Variants in PRKDC observed in about 807,000 individuals in gnomAD.
PRKDC encodes protein kinase, DNA-activated, catalytic subunit, also known as DNA-dependent protein kinase catalytic subunit.
In PRKDC, 82 loss-of-function variants were observed where a neutral mutation model predicts 486.9. That is an observed-to-expected ratio of 0.17 (90% CI 0.14 to 0.20). The LOEUF (loss-of-function observed/expected upper bound fraction) is 0.20. PRKDC is among the 10% of genes least tolerant of loss of function. The pLI, the probability that PRKDC is intolerant of heterozygous loss-of-function variation, is 1.00. For synonymous variants in PRKDC, 1,895 were observed against 1,837.0 expected (o/e 1.03, Z -0.81); for missense variants, 4,504 against 5,038.2 (o/e 0.89, Z 3.21).
rs1345748894 is a variant in PRKDC at position 47,839,922 on chromosome 8, A to C, written c.7454+94T>G. The C allele has an allele frequency of 5.1e-6, 5 of 971,784 alleles. No homozygotes were observed. The African/African-American group carries it at 8.3e-5, about 16-fold the overall frequency. The allele number at this position is 971,784 out of a possible 1,614,324, so 60.2% of individuals were successfully genotyped here. A position where few individuals can be genotyped will look rare whatever the true frequency, so the allele number is the denominator to read the frequency against. On this transcript the variant is annotated intron_variant, in intron 55 of 85. Coordinates refer to ENST00000314191, the MANE Select transcript of PRKDC (RefSeq NM_006904.7). Reference sequence around the variant, plus strand: ...CCAGGAGGAGGTTGAGACTGCAGTGACCTGTGTTTGTGCCCCTGTACTCCA... The same window carrying C: ...CCAGGAGGAGGTTGAGACTGCAGTGCCCTGTGTTTGTGCCCCTGTACTCCA...
chr8:47,814,717 A>C (rs914606946), intron 68 of PRKDC, among the ~76,000 whole-genome samples: 1 of 152,234 alleles, frequency 6.6e-6, no homozygotes, highest in African/African-American at 2.4e-5. Flanking sequence ...TGAACTCGAT[A>C]ACTCTATATT....
intron 63 of PRKDC, among the ~76,000 whole-genome samples, chr8:47,826,100 A>G (rs1397987001): frequency 1.3e-5 from 2 of 152,220 alleles, no homozygotes; most frequent in African/African-American, 4.8e-5. Context: ...GCACTACAAA[A>G]TGAAGTTCAA....
At chr8:47,847,131 G>T (rs986982681) in intron 54 of PRKDC, among the ~76,000 whole-genome samples, 6 of 152,054 alleles carry the variant, frequency 3.9e-5, no homozygotes, top group Non-Finnish European at 7.4e-5. Context: ...TCACAGAATT[G>T]GAAAAAACTA....
intron 56 of PRKDC, 90 bp from the exon 57 acceptor site, chr8:47,837,509 G>A (rs2154499785): frequency 2.0e-6 from 2 of 975,976 alleles, no homozygotes; most frequent in Admixed American, 2.4e-5. Flanking sequence ...AGAAGGCACA[G>A]CTCTTCACCC....
At chr8:47,796,915 C>T (rs956915968) in intron 73 of PRKDC, among the ~76,000 whole-genome samples, 4 of 151,984 alleles carry the variant, frequency 2.6e-5, no homozygotes, top group African/African-American at 4.8e-5. Context: ...ACTTTGTATA[C>T]GGTATTTTCT....
intron 12 of PRKDC, 23 bp from the exon 13 acceptor site, chr8:47,935,923 C>T (rs553075226): frequency 6.2e-5 from 99 of 1,600,800 alleles, no homozygotes; most frequent in East Asian, 4.0e-4. Flanking sequence ...ATCAGCAAAC[C>T]GTGAGTTAGA....
intron 76 of PRKDC, 61 bp from the exon 77 acceptor site, chr8:47,785,378 C>CT: frequency 7.8e-7 from 1 of 1,285,716 alleles, no homozygotes; most frequent in Admixed American, 2.1e-5. Flanking sequence ...GGAAAAGGCT[C>CT]TAAGCTTATA....
At position 47,781,867 on chromosome 8, in the gene PRKDC, A is replaced by G. The variant is rs183481861; in HGVS notation, c.11489+295T>C. ...TTCATACACGTTAAAAATTGAGAACAGTACCTAGCCCACAGAAAATGTTTT... is the reference window on the plus strand; with the variant it reads ...TTCATACACGTTAAAAATTGAGAACGGTACCTAGCCCACAGAAAATGTTTT... On this transcript the variant is annotated intron_variant, in intron 80 of 85. Transcript: ENST00000314191. 2.6e-5 allele frequency among the ~76,000 whole-genome samples: 4 copies of G among 152,368 alleles called. No homozygotes were observed. The East Asian group carries it at 5.8e-4, about 22-fold the overall frequency.
At chr8:47,859,544 G>A in intron 46 of PRKDC, 67 bp downstream of exon 46, 1 of 1,541,080 alleles carries the variant, frequency 6.5e-7, no homozygotes, top group East Asian at 2.3e-5. Flanking sequence ...TAACAGCAAG[G>A]CATAGCTGTG....
At chr8:47,954,027 T>G in intron 5 of PRKDC, 108 bp from the exon 6 acceptor site, 1 of 644,306 alleles carries the variant, frequency 1.6e-6, no homozygotes, top group South Asian at 2.7e-5. Flanking sequence ...AAAATTGATT[T>G]TACAGTAAGA....
chr8:47,906,490 C>T (rs747462147), intron 25 of PRKDC, among the ~76,000 whole-genome samples: 3 of 149,434 alleles, frequency 2.0e-5, no homozygotes, highest in Non-Finnish European at 4.4e-5. Context: ...AAAAATTAGC[C>T]GGGTGTGGTG....
rs2087779565 is a variant in PRKDC at position 47,828,162 on chromosome 8, C to T, written c.8577+6G>A. ...GTATATTTGATGAAGTGTGTGCAGA[C>T]TTTACCTGAATACAAGAGACAAAGG... On this transcript the variant is annotated splice_donor_region_variant and intron_variant, in intron 62 of 85. Coordinates refer to ENST00000314191, the MANE Select transcript of PRKDC (RefSeq NM_006904.7). The T allele has an allele frequency of 3.1e-6, 5 of 1,611,676 alleles. No individual in the cohort carries two copies. The highest frequency in any genetic ancestry group is 4.2e-6 in the Non-Finnish European group (5 of 1,178,332).
At chr8:47,818,578 C>CAAAAAAAA (rs1174698261) in intron 67 of PRKDC, among the ~76,000 whole-genome samples, 1 of 36,132 alleles carries the variant, frequency 2.8e-5, no homozygotes, top group African/African-American at 7.8e-5. Flanking sequence ...GACTCCGTCT[C>CAAAAAAAA]AAAAAAAAAA....
At position 47,863,642 on chromosome 8, in the gene PRKDC, T is replaced by C. The variant is rs1039315833; in HGVS notation, c.5572-65A>G. 3.8e-6 allele frequency: 5 copies of C among 1,328,486 alleles called. No individual in the cohort carries two copies. In the South Asian group the frequency reaches 3.9e-5, roughly 10 times the overall value. The allele number at this position is 1,328,486 out of a possible 1,614,324, so 82.3% of individuals were successfully genotyped here. On this transcript the variant is annotated intron_variant, in intron 41 of 85. Coordinates refer to ENST00000314191, the MANE Select transcript of PRKDC (RefSeq NM_006904.7). ...AACATGAAATACATCTTATAGAATATATCAAATTTAATACTTAATATCCTT... is the reference window on the plus strand; with the variant it reads ...AACATGAAATACATCTTATAGAATACATCAAATTTAATACTTAATATCCTT...
At chr8:47,846,905 A>G (rs2088278685) in intron 54 of PRKDC, among the ~76,000 whole-genome samples, 1 of 152,324 alleles carries the variant, frequency 6.6e-6, no homozygotes, top group East Asian at 1.9e-4. Flanking sequence ...CCTATTTACA[A>G]TAGCAAAGAA....
intron 72 of PRKDC, 127 bp downstream of exon 72, chr8:47,799,083 A>C: frequency 7.9e-7 from 1 of 1,272,508 alleles, no homozygotes; most frequent in Non-Finnish European, 1.1e-6. Context: ...GTCTCTTAAA[A>C]AGACAGTAGG....
At chr8:47,875,954 G>C (rs1332847950) in intron 40 of PRKDC, among the ~76,000 whole-genome samples, 2 of 152,176 alleles carry the variant, frequency 1.3e-5, no homozygotes, top group African/African-American at 2.4e-5. Flanking sequence ...AATGAACTAT[G>C]TCATGGATGA....
chr8:47,908,562 T>G (rs2089835568), intron 25 of PRKDC, among the ~76,000 whole-genome samples: 1 of 152,164 alleles, frequency 6.6e-6, no homozygotes, highest in South Asian at 2.1e-4. Context: ...GAAATCACAC[T>G]GCACACAGAA....
chr8:47,899,673 C>T (rs1052484498), intron 28 of PRKDC, among the ~76,000 whole-genome samples: 1 of 151,994 alleles, frequency 6.6e-6, no homozygotes, highest in African/African-American at 2.4e-5. Context: ...TAAAATAAGT[C>T]AAGACCCGTA....
Sources: allele counts gnomAD v4.1 joint callset (sites outside exome capture counted in the v4.1 genomes callset), GRCh38; gene constraint gnomAD v4.1.1; transcripts MANE v1.5; gene names NCBI Gene and HGNC (gene_info 2026-07-23, HGNC 2026-07-21).